The following PHF20 variants were observed in gnomAD, a reference collection of about 807,000 sequenced individuals.
The protein encoded by PHF20 is PHD finger protein 20.
PHF20 carries 23 observed loss-of-function variants against 113.5 expected under a neutral mutation model. That is an observed-to-expected ratio of 0.20 (90% CI 0.15 to 0.29). The LOEUF is 0.29. Ranked by LOEUF, PHF20 falls within the 10% of genes least tolerant of loss-of-function variation. The probability of loss-of-function intolerance (pLI) is 1.00; values close to 1 mark genes in which losing one functional copy is unlikely to be tolerated. For synonymous variants in PHF20, 434 were observed against 457.3 expected (o/e 0.95, Z 0.65); for missense variants, 943 against 1,219.6 (o/e 0.77, Z 3.38).
chr20:35,845,917 A>G (rs568402991), intron 3 of PHF20, among the ~76,000 whole-genome samples: 62 of 151,726 alleles, frequency 4.1e-4, no homozygotes, highest in African/African-American at 1.4e-3. Context: ...CTTGGACTAC[A>G]GACGCATCCA....
chr20:35,939,637 T>C (rs1220502072), intron 16 of PHF20, among the ~76,000 whole-genome samples: 1 of 152,238 alleles, frequency 6.6e-6, no homozygotes, highest in Non-Finnish European at 1.5e-5. Flanking sequence ...GGTTTTTTGT[T>C]ATTCAAGTCA....
At chr20:35,826,483 G>T (rs541750871) in intron 2 of PHF20, among the ~76,000 whole-genome samples, 1 of 152,116 alleles carries the variant, frequency 6.6e-6, no homozygotes, top group African/African-American at 2.4e-5. Flanking sequence ...GAAGAGAGTC[G>T]CCAGTAATTT....
At chr20:35,937,828 T>G (rs1264616107) in intron 15 of PHF20, among the ~76,000 whole-genome samples, 1 of 152,226 alleles carries the variant, frequency 6.6e-6, no homozygotes, top group Non-Finnish European at 1.5e-5. Context: ...GTCTGTTTTG[T>G]CAGTCTGAGG....
chr20:35,937,615 G>C (rs1380273585), intron 15 of PHF20, among the ~76,000 whole-genome samples: 1 of 152,086 alleles, frequency 6.6e-6, no homozygotes, highest in African/African-American at 2.4e-5. Flanking sequence ...GACCTAAAAA[G>C]GTGCCAGACT....
intron 1 of PHF20, among the ~76,000 whole-genome samples, chr20:35,794,614 T>C (rs2041631265): frequency 6.6e-6 from 1 of 152,194 alleles, no homozygotes; most frequent in Non-Finnish European, 1.5e-5. Context: ...AAGCCTGTTC[T>C]GTAGTTTCTG....
At chr20:35,866,380 A>G (rs988759137) in intron 6 of PHF20, among the ~76,000 whole-genome samples, 1 of 152,174 alleles carries the variant, frequency 6.6e-6, no homozygotes, top group African/African-American at 2.4e-5. Flanking sequence ...ACCTTAGTGC[A>G]TTGAGAATGG....
chr20:35,897,702 G>A (rs529302535), intron 9 of PHF20, among the ~76,000 whole-genome samples: 57 of 151,358 alleles, frequency 3.8e-4, no homozygotes, highest in Admixed American at 1.6e-3. Flanking sequence ...GGGTAGCTGG[G>A]ACTACAGGTG....
chr20:35,938,994 T>C lies in PHF20; in HGVS notation c.2598T>C (p.Asp866=). The C allele has an allele frequency of 6.2e-7, 1 of 1,614,130 alleles. No homozygotes were observed. Among genetic ancestry groups the C allele is most frequent in the South Asian group, 1.1e-5 (1 of 91,086 alleles). ...AGACGAGGGGCTCTGCCCTCGACGATGCGGTCAACCCCCTCCATGAGAACG... is the reference window on the plus strand; with the variant it reads ...AGACGAGGGGCTCTGCCCTCGACGACGCGGTCAACCCCCTCCATGAGAACG... ...VVETRGSALD[D]AVNPLHENGD... Residue 866 remains aspartate (D), a synonymous_variant, in exon 16 of 18, where the codon GAT becomes GAC. Transcript: ENST00000374012.
intron 1 of PHF20, among the ~76,000 whole-genome samples, chr20:35,776,873 C>A (rs1382839311): frequency 2.0e-5 from 3 of 152,202 alleles, no homozygotes; most frequent in African/African-American, 7.2e-5. Flanking sequence ...GCAATGTCCA[C>A]CCTGGCTGAA....
At chr20:35,934,209 C>A (rs1456553920) in intron 15 of PHF20, among the ~76,000 whole-genome samples, 1 of 152,208 alleles carries the variant, frequency 6.6e-6, no homozygotes, top group African/African-American at 2.4e-5. Flanking sequence ...TGGGAATCTG[C>A]TTCCTCTTGT....
At chr20:35,863,492 T>C (rs946859009) in intron 6 of PHF20, 92 bp downstream of exon 6, 5 of 1,280,072 alleles carry the variant, frequency 3.9e-6, no homozygotes, top group Non-Finnish European at 5.4e-6. Flanking sequence ...ACGTCAATCG[T>C]TTATTTTTGT....
chr20:35,812,573 C>T (rs549959974), intron 2 of PHF20, among the ~76,000 whole-genome samples: 26 of 152,172 alleles, frequency 1.7e-4, no homozygotes, highest in Admixed American at 1.2e-3. Flanking sequence ...TTCTATTTCC[C>T]GTAAACTGGA....
chr20:35,852,857 A>G (rs2042760498), intron 4 of PHF20, among the ~76,000 whole-genome samples: 1 of 150,274 alleles, frequency 6.7e-6, no homozygotes, highest in Admixed American at 6.7e-5. Context: ...TCGGTCTCCC[A>G]AAGTATTGGA....
At position 35,913,294 on chromosome 20, in the gene PHF20, T is replaced by C. The variant is rs1481990468; in HGVS notation, c.1607T>C (p.Phe536Ser). 6.2e-7 allele frequency: 1 copy of C among 1,604,274 alleles called. No individual in the cohort carries two copies. Among genetic ancestry groups the C allele is most frequent in the South Asian group, 1.1e-5 (1 of 89,384 alleles). Residue 536 changes from phenylalanine to serine, a missense_variant, in exon 11 of 18, where the codon TTT becomes TCT. By Grantham distance (155) the Phe-to-Ser change is radical. Around this residue, in one of 3 missense-constraint regions of PHF20, gnomAD observed 592 missense variants for 787.2 expected, o/e 0.75. Coordinates refer to ENST00000374012, the MANE Select transcript of PHF20 (RefSeq NM_016436.5). ...EKNKEKKFKE[F>S]VRVKPKKKKK... Reference sequence around the variant, plus strand: ...AATAAAGAGAAGAAATTCAAGGAGTTTGTGAGAGTGAAGCCAAAGAAGAAA... The same window carrying C: ...AATAAAGAGAAGAAATTCAAGGAGTCTGTGAGAGTGAAGCCAAAGAAGAAA...
At chr20:35,786,154 C>T (rs190045070) in intron 1 of PHF20, among the ~76,000 whole-genome samples, 3 of 151,990 alleles carry the variant, frequency 2.0e-5, no homozygotes, top group East Asian at 1.9e-4. Context: ...TTTGGGAGGC[C>T]GAGGCAGGTG....
intron 2 of PHF20, among the ~76,000 whole-genome samples, chr20:35,818,502 C>T (rs2042113973): frequency 6.6e-6 from 1 of 152,008 alleles, no homozygotes; most frequent in African/African-American, 2.4e-5. Flanking sequence ...TCAAGCAGTG[C>T]ACCCACCTCA....
At chr20:35,791,422 G>A (rs901366109) in intron 1 of PHF20, among the ~76,000 whole-genome samples, 2 of 147,950 alleles carry the variant, frequency 1.4e-5, no homozygotes, top group Admixed American at 1.4e-4. Context: ...TTATATATAT[G>A]TATATATATA....
intron 1 of PHF20, chr20:35,782,259 TTTG>T (rs1432540840): frequency 1.7e-5 from 1 of 59,262 alleles, no homozygotes; most frequent in East Asian, 6.4e-4. Flanking sequence ...TTTTTCTTGT[TTTG>T]TTTTTTTTTT....
intron 1 of PHF20, among the ~76,000 whole-genome samples, chr20:35,793,642 A>G (rs1432893883): frequency 6.6e-6 from 1 of 151,488 alleles, no homozygotes; most frequent in Non-Finnish European, 1.5e-5. Flanking sequence ...AGTCCTTTCC[A>G]TGTCGCTGGT....
Sources: gnomAD v4.1 joint callset for allele counts (sites outside exome capture counted in the v4.1 genomes callset) on GRCh38, gnomAD v4.1.1 for gene constraint, gnomAD v4.1.1 regional missense constraint, MANE v1.5 for transcripts, NCBI Gene and HGNC (gene_info 2026-07-23, HGNC 2026-07-21) for gene names.